AFF3: variants seen among roughly 807,000 people sequenced by gnomAD.
AFF3 encodes AF4/FMR2 family member 3.
AFF3 carries 32 observed loss-of-function variants against 129.7 expected under a neutral mutation model. The ratio of observed to expected loss-of-function variants is 0.25; its 90% CI spans 0.19 to 0.33. AFF3 has a LOEUF of 0.33. Ranked by LOEUF, AFF3 falls within the 10% of genes least tolerant of loss-of-function variation. AFF3 has a pLI of 1.00. For synonymous variants in AFF3, 644 were observed against 635.4 expected (o/e 1.01, Z -0.20); for missense variants, 1,373 against 1,592.0 (o/e 0.86, Z 2.34).
At chr2:99,775,097 T>C (rs1467605941) in intron 8 of AFF3, among the ~76,000 whole-genome samples, 6 of 152,160 alleles carry the variant, frequency 3.9e-5, no homozygotes. Context: ...AACAACATGC[T>C]GGCAATGTCG....
chr2:99,576,792 T>C (rs1223808821), intron 18 of AFF3, among the ~76,000 whole-genome samples: 3 of 152,130 alleles, frequency 2.0e-5, no homozygotes, highest in African/African-American at 7.3e-5. Context: ...GTTATCCTTA[T>C]ATACAATTTT....
chr2:99,760,678 T>C (rs1347288883), intron 8 of AFF3, among the ~76,000 whole-genome samples: 2 of 152,166 alleles, frequency 1.3e-5, no homozygotes, highest in Non-Finnish European at 2.9e-5. Flanking sequence ...TTGACCTACT[T>C]TGGCCATCCT....
chr2:99,868,411 G>A (rs1476603230), intron 7 of AFF3, among the ~76,000 whole-genome samples: 1 of 152,166 alleles, frequency 6.6e-6, no homozygotes, highest in Non-Finnish European at 1.5e-5. Context: ...ATCAGGCCGG[G>A]AGGGGAGACA....
At chr2:99,560,543 C>T in intron 20 of AFF3, 107 bp from the exon 21 acceptor site, 2 of 1,028,606 alleles carry the variant, frequency 1.9e-6, no homozygotes. Context: ...GTTCTCCCTG[C>T]CTGATCCTTA....
At chr2:100,085,327 C>T (rs1391688803) in intron 4 of AFF3, among the ~76,000 whole-genome samples, 2 of 149,178 alleles carry the variant, frequency 1.3e-5, no homozygotes, top group Non-Finnish European at 3.0e-5. Context: ...TCTTCCTCAT[C>T]ACCTCGGCCA....
chr2:99,770,721 T>G (rs1170225693), intron 8 of AFF3, among the ~76,000 whole-genome samples: 1 of 152,030 alleles, frequency 6.6e-6, no homozygotes, highest in African/African-American at 2.4e-5. Flanking sequence ...CAGGACTTGG[T>G]CCTTCCCTTC....
chr2:99,909,029 C>A (rs2106186034), intron 7 of AFF3, among the ~76,000 whole-genome samples: 1 of 152,254 alleles, frequency 6.6e-6, no homozygotes, highest in South Asian at 2.1e-4. Context: ...TATAAAGACA[C>A]ATGCACACGT....
At chr2:99,848,794 T>A (rs1689922365) in intron 7 of AFF3, among the ~76,000 whole-genome samples, 1 of 152,208 alleles carries the variant, frequency 6.6e-6, no homozygotes, top group Admixed American at 6.5e-5. Flanking sequence ...TTCAGTTATC[T>A]CTCGAATCTC....
At chr2:99,823,253 C>G (rs1687822031) in intron 8 of AFF3, among the ~76,000 whole-genome samples, 1 of 150,728 alleles carries the variant, frequency 6.6e-6, no homozygotes, top group Admixed American at 6.6e-5. Flanking sequence ...GCCTATCCTT[C>G]CCCAACCCCC....
At chr2:100,055,763 A>C (rs1418851845) in intron 4 of AFF3, among the ~76,000 whole-genome samples, 1 of 152,186 alleles carries the variant, frequency 6.6e-6, no homozygotes, top group Non-Finnish European at 1.5e-5. Flanking sequence ...AATACATAAT[A>C]AACAAATGGG....
intron 4 of AFF3, among the ~76,000 whole-genome samples, chr2:100,067,841 T>A (rs535725586): frequency 3.3e-5 from 5 of 152,232 alleles, no homozygotes; most frequent in African/African-American, 1.2e-4. Flanking sequence ...GTCTCCAAAC[T>A]CTCTGCTAAC....
intron 1 of AFF3, among the ~76,000 whole-genome samples, chr2:100,139,346 C>T (rs953330390): frequency 2.6e-5 from 4 of 152,130 alleles, no homozygotes; most frequent in African/African-American, 9.7e-5. Flanking sequence ...GTAGTTTAAG[C>T]AGGATCTAAT....
chr2:99,828,378 G>A (rs1284124138), intron 8 of AFF3, among the ~76,000 whole-genome samples: 2 of 152,162 alleles, frequency 1.3e-5, no homozygotes, highest in African/African-American at 4.8e-5. Flanking sequence ...AGCAGACGTC[G>A]CAACCGGCTG....
intron 7 of AFF3, among the ~76,000 whole-genome samples, chr2:99,889,497 G>C (rs1199671402): frequency 2.6e-5 from 4 of 152,202 alleles, no homozygotes; most frequent in Non-Finnish European, 4.4e-5. Flanking sequence ...TATGAAAGGA[G>C]TAAAAACATC....
chr2:99,646,023 T>C (rs565445778), intron 13 of AFF3, among the ~76,000 whole-genome samples: 1 of 152,258 alleles, frequency 6.6e-6, no homozygotes, highest in Non-Finnish European at 1.5e-5. Flanking sequence ...ACTGGTCTCA[T>C]CAGGTCAGAT....
chr2:100,137,974 A>T lies in AFF3; in HGVS notation c.-228+4510T>A, dbSNP rs113409417. 2.0e-3 allele frequency among the ~76,000 whole-genome samples: 301 copies of T among 152,322 alleles called. 1 individual carries two copies. The highest frequency in any genetic ancestry group is 3.9e-3 in the South Asian group (19 of 4,826). ...AAGCAATCAGAATGAGGATGCAGGA[A>T]GCATGGGGTGGCCATCTGCCAGTTC... is the stretch of plus-strand genomic sequence containing the variant. On this transcript the variant is annotated intron_variant, in intron 1 of 24. Transcript: ENST00000672756.
chr2:100,009,743 A>G (rs1208869535), intron 4 of AFF3, among the ~76,000 whole-genome samples: 2 of 152,214 alleles, frequency 1.3e-5, no homozygotes, highest in Non-Finnish European at 2.9e-5. Context: ...GGAGAAAACA[A>G]AGGGGCTAAT....
intron 4 of AFF3, among the ~76,000 whole-genome samples, chr2:100,035,021 A>AGGC (rs1684793929): frequency 6.6e-6 from 1 of 152,172 alleles, no homozygotes; most frequent in Non-Finnish European, 1.5e-5. Flanking sequence ...TGTATCCTCA[A>AGGC]GGCCACCAAG....
chr2:99,880,899 A>G (rs1040435711), intron 7 of AFF3, among the ~76,000 whole-genome samples: 4 of 152,216 alleles, frequency 2.6e-5, no homozygotes, highest in African/African-American at 9.6e-5. Context: ...TATCATAATT[A>G]GGAAAATTCC....
Sources: gnomAD v4.1 joint callset for allele counts (sites outside exome capture counted in the v4.1 genomes callset) on GRCh38, gnomAD v4.1.1 for gene constraint, MANE v1.5 for transcripts, NCBI Gene and HGNC (gene_info 2026-07-23, HGNC 2026-07-21) for gene names.